Variants in ATG10 observed in about 807,000 individuals in gnomAD.
ATG10 encodes the protein ubiquitin-like-conjugating enzyme ATG10.
In ATG10, 30 loss-of-function variants were observed where a neutral mutation model predicts 32.1. The ratio of observed to expected loss-of-function variants is 0.94; its 90% CI spans 0.70 to 1.27. The LOEUF (loss-of-function observed/expected upper bound fraction) is 1.27. ATG10 is among the 50% of genes most tolerant of loss of function. The probability of loss-of-function intolerance (pLI) is 0.00; values close to 1 mark genes in which losing one functional copy is unlikely to be tolerated. For synonymous variants in ATG10, 87 were observed against 91.5 expected, an observed-to-expected ratio of 0.95 and a Z score of 0.28; for missense variants, 233 against 262.3, an observed-to-expected ratio of 0.89 and a Z score of 0.77.
intron 1 of ATG10, among the ~76,000 whole-genome samples, chr5:81,984,005 C>T (rs550735970): frequency 6.6e-6 from 1 of 152,310 alleles, no homozygotes; most frequent in Admixed American, 6.5e-5. Flanking sequence ...CAGAGACGCT[C>T]CTCACTTTCC....
chr5:82,129,555 A>T lies in ATG10; in HGVS notation c.217-34844A>T, dbSNP rs556290629. Among the ~76,000 whole-genome samples the T allele has an allele frequency of 1.2e-3, 175 of 152,076 alleles. 2 individuals are homozygous for T. The highest frequency in any genetic ancestry group is 2.3e-3 in the Admixed American group (35 of 15,270). ...GTGGACAATCTTTTTGTTGATGTTG[A>T]TGCTATCCCTTTCTATTTGTTGCTT... On this transcript the variant is annotated intron_variant, in intron 3 of 7. Coordinates refer to ENST00000282185, the MANE Select transcript of ATG10 (RefSeq NM_031482.5).
At chr5:82,118,008 C>T (rs946004887) in intron 3 of ATG10, among the ~76,000 whole-genome samples, 6 of 151,746 alleles carry the variant, frequency 4.0e-5, no homozygotes, top group South Asian at 2.1e-4. Context: ...GTTGAAGAAA[C>T]GAGATGCTGA....
chr5:82,034,301 C>T (rs1432011075), intron 2 of ATG10, among the ~76,000 whole-genome samples: 4 of 152,124 alleles, frequency 2.6e-5, no homozygotes, highest in Non-Finnish European at 1.5e-5. Flanking sequence ...CAGTGTTACC[C>T]TGGACCACTC....
At chr5:82,016,454 G>A (rs748264604) in intron 2 of ATG10, among the ~76,000 whole-genome samples, 4 of 152,014 alleles carry the variant, frequency 2.6e-5, no homozygotes, top group Admixed American at 6.6e-5. Context: ...TATTTTTTAC[G>A]AGTTCCATGC....
chr5:82,115,119 A>G (rs1331540434), intron 3 of ATG10, among the ~76,000 whole-genome samples: 1 of 152,076 alleles, frequency 6.6e-6, no homozygotes, highest in African/African-American at 2.4e-5. Context: ...CTTTCTTTTT[A>G]TGTGATAAAA....
At chr5:82,142,437 A>T (rs1204402513) in intron 3 of ATG10, among the ~76,000 whole-genome samples, 1 of 152,114 alleles carries the variant, frequency 6.6e-6, no homozygotes, top group Non-Finnish European at 1.5e-5. Flanking sequence ...CTTGGCTGGG[A>T]TGGCACGTAT....
intron 3 of ATG10, among the ~76,000 whole-genome samples, chr5:82,097,646 T>C (rs1765113010): frequency 6.6e-6 from 1 of 152,256 alleles, no homozygotes; most frequent in Admixed American, 6.5e-5. Flanking sequence ...ACTTTTGCAC[T>C]GGCCTAATAG....
At chr5:82,209,226 T>A (rs976010605) in intron 5 of ATG10, among the ~76,000 whole-genome samples, 7 of 152,310 alleles carry the variant, frequency 4.6e-5, no homozygotes, top group Admixed American at 2.0e-4. Flanking sequence ...TTTAAAAAAA[T>A]TTTTCCTGGC....
chr5:82,131,545 G>T (rs919908144), intron 3 of ATG10, among the ~76,000 whole-genome samples: 3 of 152,018 alleles, frequency 2.0e-5, no homozygotes, highest in Non-Finnish European at 2.9e-5. Context: ...AAGACAAAAT[G>T]AGATAATAGA....
intron 5 of ATG10, among the ~76,000 whole-genome samples, chr5:82,227,040 G>T (rs1214964338): frequency 6.6e-6 from 1 of 152,148 alleles, no homozygotes; most frequent in East Asian, 1.9e-4. Context: ...TCAACCTGGA[G>T]TATGTGTACC....
chr5:82,063,382 G>T (rs1353999720), intron 3 of ATG10, among the ~76,000 whole-genome samples: 1 of 152,040 alleles, frequency 6.6e-6, no homozygotes, highest in African/African-American at 2.4e-5. Context: ...TATCTTAATA[G>T]ATAGTACATT....
At chr5:82,210,783 A>G (rs573365139) in intron 5 of ATG10, among the ~76,000 whole-genome samples, 4 of 152,260 alleles carry the variant, frequency 2.6e-5, no homozygotes, top group South Asian at 2.1e-4. Context: ...CTGAGTTTCT[A>G]CTAAAGAGGG....
Position 82,073,077 on chromosome 5 carries a change from C to T in ATG10, c.216+14475C>T, listed in dbSNP as rs971432557. 5.9e-5 allele frequency: 9 copies of T among 152,134 alleles called. No individual in the cohort carries two copies. In the South Asian group the frequency reaches 1.0e-3, roughly 17 times the overall value. The allele number at this position is 152,134 out of a possible 1,614,324, so 9.4% of individuals were successfully genotyped here. On this transcript the variant is annotated intron_variant, in intron 3 of 7. Transcript: ENST00000282185. ...AGAGAGCTGAGTGTTCAGTAATTCT[C>T]AATTCATGAGCTAGGTCTATGTGAG...
At chr5:82,157,140 A>G (rs755910148) in intron 3 of ATG10, among the ~76,000 whole-genome samples, 10 of 152,128 alleles carry the variant, frequency 6.6e-5, no homozygotes, top group Non-Finnish European at 1.2e-4. Context: ...TGCACAGGAA[A>G]CAGATTCTTC....
chr5:82,000,594 G>T (rs1030377256), intron 2 of ATG10, among the ~76,000 whole-genome samples: 56 of 152,274 alleles, frequency 3.7e-4, no homozygotes, highest in African/African-American at 1.3e-3. Flanking sequence ...AAAGCTCCTA[G>T]ATCTAATAAA....
At chr5:82,035,276 C>A (rs1762882043) in intron 2 of ATG10, among the ~76,000 whole-genome samples, 1 of 152,150 alleles carries the variant, frequency 6.6e-6, no homozygotes, top group Non-Finnish European at 1.5e-5. Flanking sequence ...TGTTGTTTAT[C>A]TTCTTCATCC....
intron 3 of ATG10, among the ~76,000 whole-genome samples, chr5:82,086,213 T>G (rs1184697955): frequency 1.3e-5 from 2 of 152,176 alleles, no homozygotes; most frequent in Non-Finnish European, 2.9e-5. Flanking sequence ...ATCCTTACTT[T>G]CAAAAAATGT....
intron 3 of ATG10, among the ~76,000 whole-genome samples, chr5:82,123,155 T>C (rs1766115633): frequency 1.3e-5 from 2 of 152,230 alleles, no homozygotes; most frequent in African/African-American, 2.4e-5. Context: ...GTAGTACATA[T>C]ACACCATAGA....
chr5:81,995,313 T>A (rs1410608133), intron 2 of ATG10, among the ~76,000 whole-genome samples: 1 of 152,066 alleles, frequency 6.6e-6, no homozygotes, highest in African/African-American at 2.4e-5. Flanking sequence ...GCATTATTAT[T>A]ATTTTTTTTG....
Sources: gnomAD v4.1 joint callset for allele counts (sites outside exome capture counted in the v4.1 genomes callset) on GRCh38, gnomAD v4.1.1 for gene constraint, MANE v1.5 for transcripts, NCBI Gene and HGNC (gene_info 2026-07-23, HGNC 2026-07-21) for gene names.